MORN3: variants seen among roughly 807,000 people sequenced by gnomAD.
The protein encoded by MORN3 is MORN repeat-containing protein 3.
Under a neutral mutation model 34.7 loss-of-function variants are expected in MORN3, and 38 were observed. That is an observed-to-expected ratio of 1.10 (90% CI 0.85 to 1.44). MORN3 has a LOEUF of 1.44. Among genes scored for constraint, MORN3 ranks in the 40% most tolerant of loss-of-function variants. The pLI, the probability that MORN3 is intolerant of heterozygous loss-of-function variation, is 0.00. For synonymous variants in MORN3, 109 were observed against 115.3 expected (o/e 0.95, Z 0.35); for missense variants, 311 against 321.7 (o/e 0.97, Z 0.25).
Position 121,652,605 on chromosome 12 carries a change from T to C in MORN3, c.*6+123A>G, listed in dbSNP as rs1405070977. On this transcript the variant is annotated intron_variant, in intron 5 of 5. Coordinates refer to ENST00000355329, the MANE Select transcript of MORN3 (RefSeq NM_173855.5). ...TAGGAGGCAAGAAGCCTGCCCTCGA[T>C]GGTCTTGCTCCCCCACTCCCCGACC... is the stretch of plus-strand genomic sequence containing the variant. The C allele has an allele frequency of 1.5e-5, 12 of 801,426 alleles. No homozygotes were observed. In the South Asian group the frequency reaches 1.6e-4, roughly 10 times the overall value. 49.6% of individuals were successfully genotyped at this position (801,426 alleles called of 1,614,324 possible).
rs1274548014 is a variant in MORN3, at chr12:121,654,453, A to G, written c.304-20T>C. Reference sequence around the variant, plus strand: ...ATAACCCTGAAAGTACGAAGATGCTACTACTCAGGGCGCCCCCCAACACCA... The same window carrying G: ...ATAACCCTGAAAGTACGAAGATGCTGCTACTCAGGGCGCCCCCCAACACCA... On this transcript the variant is annotated intron_variant, in intron 2 of 5. Coordinates refer to ENST00000355329, the MANE Select transcript of MORN3 (RefSeq NM_173855.5). The G allele has an allele frequency of 6.4e-7, 1 of 1,563,940 alleles. No individual in the cohort carries two copies. Among genetic ancestry groups the G allele is most frequent in the Non-Finnish European group, 8.7e-7 (1 of 1,152,132 alleles).
At chr12:121,664,373 G>A (rs1268747138) in intron 1 of MORN3, among the ~76,000 whole-genome samples, 1 of 152,178 alleles carries the variant, frequency 6.6e-6, no homozygotes, top group Non-Finnish European at 1.5e-5. Context: ...CAAATCTGGG[G>A]ACTCAGAGAC....
chr12:121,666,589 G>A (rs1279004320), intron 1 of MORN3, among the ~76,000 whole-genome samples: 1 of 152,118 alleles, frequency 6.6e-6, no homozygotes, highest in African/African-American at 2.4e-5. Context: ...TCATGCAGAG[G>A]TATACTTGCA....
At chr12:121,655,435 C>T (rs782767647) in intron 2 of MORN3, among the ~76,000 whole-genome samples, 11 of 151,776 alleles carry the variant, frequency 7.2e-5, no homozygotes, top group Non-Finnish European at 1.3e-4. Context: ...CTTAGCCTGG[C>T]GTGGTGGCTT....
Position 121,659,282 on chromosome 12 carries a change from C to G in MORN3, c.212G>C (p.Arg71Pro), listed in dbSNP as rs746963598. The G allele has an allele frequency of 5.6e-6, 9 of 1,613,958 alleles. No homozygotes were observed. The highest frequency in any genetic ancestry group is 7.6e-6 in the Non-Finnish European group (9 of 1,180,002). ...IYEGDWKFGK[R>P]DGYGTLSLPD... is the part of the protein sequence containing the mutation. ...AAGGCTGAGGGTGCCGTAGCCGTCTCGCTTCCCAAACTTCCAGTCCCCCTC... is the reference window on the plus strand; with the variant it reads ...AAGGCTGAGGGTGCCGTAGCCGTCTGGCTTCCCAAACTTCCAGTCCCCCTC... Residue 71 changes from arginine (R) to proline (P), a missense_variant, in exon 2 of 6, where the codon CGA becomes CCA. Physicochemically the swap from Arg to Pro is moderately radical, Grantham distance 103. Transcript: ENST00000355329.
chr12:121,652,876 G>A (rs1893292432), intron 4 of MORN3, 68 bp from the exon 5 acceptor site: 12 of 1,545,492 alleles, frequency 7.8e-6, no homozygotes, highest in East Asian at 6.8e-5. Flanking sequence ...CTTGACTGGC[G>A]CTGCCTGCCG....
chr12:121,654,788 G>T (rs137895045), intron 2 of MORN3, among the ~76,000 whole-genome samples: 1,966 of 151,812 alleles, frequency 0.013, 22 homozygotes, highest in South Asian at 0.067. Flanking sequence ...AGGAGAGACA[G>T]GGTTTCACCA....
At chr12:121,660,368 T>C (rs566929029) in intron 1 of MORN3, among the ~76,000 whole-genome samples, 4 of 149,980 alleles carry the variant, frequency 2.7e-5, no homozygotes, top group Admixed American at 2.7e-4. Context: ...TTTTTTTTTT[T>C]TGAGACAGAG....
At chr12:121,652,055 C>T (rs1176294506) in intron 5 of MORN3, among the ~76,000 whole-genome samples, 1 of 151,860 alleles carries the variant, frequency 6.6e-6, no homozygotes, top group Non-Finnish European at 1.5e-5. Flanking sequence ...TCTGCCTCAG[C>T]CTCCTGAGTA....
chr12:121,658,565 CAAAAA>C (rs62682762), intron 2 of MORN3, among the ~76,000 whole-genome samples: 3 of 68,802 alleles, frequency 4.4e-5, no homozygotes, highest in East Asian at 4.6e-4. Flanking sequence ...GACTCCCTCT[CAAAAA>C]AAAAAAAAAA....
chr12:121,654,245 G>C, intron 3 of MORN3, 29 bp downstream of exon 3: 1 of 1,507,838 alleles, frequency 6.6e-7, no homozygotes, highest in Non-Finnish European at 8.9e-7. Flanking sequence ...TGGTCGGGTG[G>C]GCGGGGCCGG....
At chr12:121,658,945 C>A (rs1263536040) in intron 2 of MORN3, among the ~76,000 whole-genome samples, 1 of 152,116 alleles carries the variant, frequency 6.6e-6, no homozygotes, top group Non-Finnish European at 1.5e-5. Flanking sequence ...TGGCTCCTCG[C>A]AACCGCAGGG....
Position 121,657,941 on chromosome 12 carries a change from T to G in MORN3, c.303+1250A>C, listed in dbSNP as rs200767064. ...ACAGCCAGTTCTGTGTTAATTACTC[T>G]TTCTCTATTGCAATTCCCGTCTTGA... is the stretch of plus-strand genomic sequence containing the variant. On this transcript the variant is annotated intron_variant, in intron 2 of 5. Transcript: ENST00000355329. Among the ~76,000 whole-genome samples, 15 of 151,712 alleles carry G rather than the reference T, an allele frequency of 9.9e-5. No homozygotes were observed. In the East Asian group the frequency reaches 2.4e-3, roughly 24 times the overall value.
chr12:121,661,380 C>A (rs562650962), intron 1 of MORN3, among the ~76,000 whole-genome samples: 15 of 152,304 alleles, frequency 9.8e-5, no homozygotes, highest in African/African-American at 3.6e-4. Flanking sequence ...CACACCAGTA[C>A]ACCGAGCTTA....
chr12:121,652,747 T>C lies in MORN3; in HGVS notation c.710A>G (p.Glu237Gly). 6.2e-7 allele frequency: 1 copy of C among 1,614,198 alleles called. No individual in the cohort carries two copies. The highest frequency in any genetic ancestry group is 8.5e-7 in the Non-Finnish European group (1 of 1,180,012). ...AEALAMFRKT[E>G]EGD ...CCTCACCTGGCATCAATCTCCTTCC[T>C]CTGTCTTCCTGAACATGGCCAAGGC... The change falls in exon 5 of 6, where the codon GAG (glutamate) becomes GGG (glycine). Residue 237 changes from glutamate to glycine, a missense_variant. By Grantham distance (98) the Glu-to-Gly change is moderately conservative. Coordinates refer to ENST00000355329, the MANE Select transcript of MORN3 (RefSeq NM_173855.5).
At chr12:121,661,167 C>T (rs1893571047) in intron 1 of MORN3, among the ~76,000 whole-genome samples, 2 of 152,040 alleles carry the variant, frequency 1.3e-5, no homozygotes, top group African/African-American at 4.8e-5. Flanking sequence ...CTATGTTGCC[C>T]AGGCTGGTCT....
chr12:121,663,748 T>C (rs1277687541), intron 1 of MORN3, among the ~76,000 whole-genome samples: 1 of 150,706 alleles, frequency 6.6e-6, no homozygotes, highest in African/African-American at 2.5e-5. Context: ...TAGCCTTTAT[T>C]GGTTTTTTTT....
chr12:121,669,429 G>A lies in MORN3; in HGVS notation c.55C>T (p.Arg19Trp), dbSNP rs35779661. ...CGCAGGCCGTTCCTCTGGGCCTTCC[G>A]GTCCCACCCCTTCCACAGGGACTCC... ...KSESLWKGWD[R>W]KAQRNGLRSQ... Residue 19 changes from arginine to tryptophan, a missense_variant, in exon 1 of 6, where the codon CGG becomes TGG. Transcript: ENST00000355329. The A allele has an allele frequency of 6.3e-4, 1,016 of 1,613,910 alleles. 9 individuals carry two copies. The highest frequency in any genetic ancestry group is 2.2e-4 in the Admixed American group (13 of 59,992).
intron 2 of MORN3, 109 bp downstream of exon 2, chr12:121,659,082 C>T: frequency 1.0e-6 from 1 of 973,612 alleles, no homozygotes. Context: ...TCCCTGTAGA[C>T]CTCCCCTCTC....
Sources: gnomAD v4.1 joint callset for allele counts (sites outside exome capture counted in the v4.1 genomes callset) on GRCh38, gnomAD v4.1.1 for gene constraint, MANE v1.5 for transcripts, NCBI Gene and HGNC (gene_info 2026-07-23, HGNC 2026-07-21) for gene names.